Variants in NTM observed in about 807,000 individuals in gnomAD.
The protein encoded by NTM is IgLON family member 2.
Under a neutral mutation model 42.1 loss-of-function variants are expected in NTM, and 13 were observed. That is an observed-to-expected ratio of 0.31 (90% confidence interval 0.20 to 0.49). NTM has a LOEUF of 0.49. Ranked by LOEUF, NTM falls within the 20% of genes least tolerant of loss-of-function variation. The probability of loss-of-function intolerance (pLI) is 0.99; values close to 1 mark genes in which losing one functional copy is unlikely to be tolerated. For synonymous variants in NTM, 187 were observed against 179.2 expected (o/e 1.04, Z -0.35); for missense variants, 373 against 452.8 (o/e 0.82, Z 1.60).
intron 3 of NTM, among the ~76,000 whole-genome samples, chr11:132,179,931 T>C (rs2077320040): frequency 6.6e-6 from 1 of 152,172 alleles, no homozygotes; most frequent in African/African-American, 2.4e-5. Context: ...CTGGTATGCT[T>C]CTTAACATCT....
intron 1 of NTM, among the ~76,000 whole-genome samples, chr11:131,839,889 TAG>T (rs1433100400): frequency 2.0e-5 from 3 of 152,172 alleles, no homozygotes; most frequent in Non-Finnish European, 2.9e-5. Flanking sequence ...ATTTCCAAGG[TAG>T]AGAGACACAT....
At chr11:131,605,751 T>C (rs2060896404) in intron 1 of NTM, 3 of 978,088 alleles carry the variant, frequency 3.1e-6, no homozygotes, top group Non-Finnish European at 3.6e-6. Context: ...TCATTTAAAG[T>C]TTGAAAAAAA....
intron 1 of NTM, among the ~76,000 whole-genome samples, chr11:131,843,164 C>T (rs532492893): frequency 9.9e-5 from 15 of 152,096 alleles, no homozygotes; most frequent in Non-Finnish European, 2.2e-4. Context: ...TTATTTCACA[C>T]ATTATTACTA....
At chr11:131,396,685 T>C (rs1015508341) in intron 1 of NTM, among the ~76,000 whole-genome samples, 4 of 151,890 alleles carry the variant, frequency 2.6e-5, no homozygotes, top group Non-Finnish European at 5.9e-5. Context: ...AACACAAAAA[T>C]TAGTCAGGCA....
chr11:131,839,209 G>A (rs373207788), intron 1 of NTM, among the ~76,000 whole-genome samples: 19 of 150,136 alleles, frequency 1.3e-4, no homozygotes, highest in East Asian at 5.8e-4. Flanking sequence ...TGATCCGCCC[G>A]CCTCGGCCTC....
intron 1 of NTM, among the ~76,000 whole-genome samples, chr11:131,625,579 C>T (rs1168245482): frequency 6.6e-6 from 1 of 151,088 alleles, no homozygotes; most frequent in Non-Finnish European, 1.5e-5. Context: ...TTTCAGATAA[C>T]GTTCCCCAAT....
At chr11:131,467,074 G>C (rs1951968949) in intron 1 of NTM, among the ~76,000 whole-genome samples, 1 of 152,232 alleles carries the variant, frequency 6.6e-6, no homozygotes, top group Non-Finnish European at 1.5e-5. Context: ...AATTGCTTCA[G>C]TAGTTTGAGA....
chr11:132,272,456 A>C (rs1446321690), intron 4 of NTM, among the ~76,000 whole-genome samples: 1 of 152,148 alleles, frequency 6.6e-6, no homozygotes, highest in Non-Finnish European at 1.5e-5. Flanking sequence ...AAATCTGTAA[A>C]ATAATTTAGG....
chr11:132,240,037 TCATCCGTCCATCCCTCCATCCCTC>T (rs2089911502), intron 4 of NTM, among the ~76,000 whole-genome samples: 2 of 148,990 alleles, frequency 1.3e-5, no homozygotes, highest in South Asian at 4.3e-4. Flanking sequence ...CATTCATCCA[TCATCCGTCCATCCCTCCATCCCTC>T]CATCCGTCCA....
chr11:132,008,871 T>C (rs907706303), intron 2 of NTM, among the ~76,000 whole-genome samples: 3 of 151,972 alleles, frequency 2.0e-5, no homozygotes, highest in South Asian at 2.1e-4. Context: ...GTTTTCTTTT[T>C]TTTTTTTCCT....
intron 2 of NTM, among the ~76,000 whole-genome samples, chr11:131,969,903 A>G (rs1465539719): frequency 6.6e-6 from 1 of 152,170 alleles, no homozygotes; most frequent in Non-Finnish European, 1.5e-5. Flanking sequence ...TACAGCCTTG[A>G]CGTCCTGACT....
chr11:132,328,270 T>G (rs536893768), intron 7 of NTM, among the ~76,000 whole-genome samples: 7 of 152,080 alleles, frequency 4.6e-5, no homozygotes, highest in Non-Finnish European at 7.4e-5. Context: ...AGAAGTGGGA[T>G]CAAAAGGACC....
At chr11:132,326,214 G>A (rs2095679451) in intron 7 of NTM, among the ~76,000 whole-genome samples, 1 of 151,978 alleles carries the variant, frequency 6.6e-6, no homozygotes, top group South Asian at 2.1e-4. Flanking sequence ...ACAGTATCAG[G>A]GAAGTGAGAG....
At chr11:132,153,409 G>T (rs887260726) in intron 3 of NTM, among the ~76,000 whole-genome samples, 1 of 152,112 alleles carries the variant, frequency 6.6e-6, no homozygotes, top group Admixed American at 6.5e-5. Context: ...GTTGGATGAG[G>T]TCTCTTTATG....
intron 1 of NTM, among the ~76,000 whole-genome samples, chr11:131,893,059 C>A (rs11823605): frequency 0.12 from 17,751 of 152,182 alleles, 1,138 homozygotes; most frequent in Non-Finnish European, 0.13. Context: ...GCAGAAAAAC[C>A]AAGAACTTTA....
intron 1 of NTM, among the ~76,000 whole-genome samples, chr11:131,501,106 C>T (rs1441289048): frequency 6.6e-6 from 1 of 151,978 alleles, no homozygotes; most frequent in African/African-American, 2.4e-5. Context: ...GACTTCCGGA[C>T]CTGCCTAGAT....
intron 1 of NTM, among the ~76,000 whole-genome samples, chr11:131,511,902 G>C (rs1470289270): frequency 6.6e-6 from 1 of 152,168 alleles, no homozygotes; most frequent in East Asian, 1.9e-4. Flanking sequence ...GAAAGCGGAA[G>C]AGCCTGTCCA....
intron 4 of NTM, among the ~76,000 whole-genome samples, chr11:132,245,833 CA>C (rs1364485630): frequency 6.6e-6 from 1 of 152,108 alleles, no homozygotes; most frequent in African/African-American, 2.4e-5. Flanking sequence ...AGCATTGTGC[CA>C]GTTTCAGGGT....
chr11:132,034,698 C>G (rs2135702956), intron 2 of NTM, among the ~76,000 whole-genome samples: 1 of 152,296 alleles, frequency 6.6e-6, no homozygotes, highest in African/African-American at 2.4e-5. Context: ...CTTTCTTTTT[C>G]TCTCCTCAGA....
Sources: gnomAD v4.1 joint callset for allele counts (sites outside exome capture counted in the v4.1 genomes callset) on GRCh38, gnomAD v4.1.1 for gene constraint, MANE v1.5 for transcripts, NCBI Gene and HGNC (gene_info 2026-07-23, HGNC 2026-07-21) for gene names.